PTPRN2: variants seen among roughly 807,000 people sequenced by gnomAD.
PTPRN2 encodes receptor-type tyrosine-protein phosphatase N2.
In PTPRN2, 74 loss-of-function variants were observed where a neutral mutation model predicts 118.8. The observed-to-expected ratio is 0.62, with a 90% CI of 0.52 to 0.76. PTPRN2 has a LOEUF of 0.76. Among genes scored for constraint, PTPRN2 ranks in the 30% least tolerant of loss-of-function variants. PTPRN2 has a pLI of 0.00. For synonymous variants in PTPRN2, 641 were observed against 608.0 expected, an observed-to-expected ratio of 1.05 and a Z score of -0.80; for missense variants, 1,481 against 1,394.4, an observed-to-expected ratio of 1.06 and a Z score of -0.99.
chr7:157,701,943 CCGG>C, intron 12 of PTPRN2, among the ~76,000 whole-genome samples: 2 of 148,466 alleles, frequency 1.3e-5, no homozygotes, highest in Non-Finnish European at 3.0e-5. Flanking sequence ...ATAAGAAAGC[CCGG>C]TCGGTGCTGG....
chr7:158,203,989 C>T (rs1181250642), intron 4 of PTPRN2, among the ~76,000 whole-genome samples: 11 of 149,550 alleles, frequency 7.4e-5, no homozygotes, highest in African/African-American at 2.5e-4. Flanking sequence ...CCTCAGTGTG[C>T]GCCATGTTCT....
chr7:158,138,698 C>A (rs531372415), intron 6 of PTPRN2, among the ~76,000 whole-genome samples, 183 bp from the exon 7 acceptor site: 11 of 152,326 alleles, frequency 7.2e-5, no homozygotes, highest in Admixed American at 7.2e-4. Context: ...ATCCACCTGA[C>A]CCTGTAACCA....
At position 158,480,130 on chromosome 7, in the gene PTPRN2, G is replaced by A. The variant is rs74885161; in HGVS notation, c.163+9605C>T. Reference sequence around the variant, plus strand: ...GCACGTTCCAGCTTTGTTCCACGTCGCGGGGGTTGCGTCTCACCCTGAAGC... The same window carrying A: ...GCACGTTCCAGCTTTGTTCCACGTCACGGGGGTTGCGTCTCACCCTGAAGC... On this transcript the variant is annotated intron_variant, in intron 2 of 22. Coordinates refer to ENST00000389418, the MANE Select transcript of PTPRN2 (RefSeq NM_002847.5). Among the ~76,000 whole-genome samples, 784 of 152,316 alleles carry A rather than the reference G, an allele frequency of 5.1e-3. 7 individuals carry two copies. Among genetic ancestry groups the A allele is most frequent in the African/African-American group, 0.018 (731 of 41,574 alleles).
intron 2 of PTPRN2, among the ~76,000 whole-genome samples, chr7:158,370,683 C>T (rs1349723): frequency 0.66 from 99,684 of 151,688 alleles, 33,252 homozygotes; most frequent in East Asian, 0.83. Flanking sequence ...ACCCAGGAGG[C>T]GGAGCTTGCA....
chr7:158,505,499 G>A (rs528347167), intron 1 of PTPRN2, among the ~76,000 whole-genome samples: 3 of 151,932 alleles, frequency 2.0e-5, no homozygotes, highest in African/African-American at 7.3e-5. Flanking sequence ...CACTACCAGA[G>A]AAAAATTAAT....
Position 157,878,972 on chromosome 7 carries a change from C to T in PTPRN2, c.1788+19701G>A, listed in dbSNP as rs188445697. Among the ~76,000 whole-genome samples the T allele has an allele frequency of 6.9e-5, 10 of 145,352 alleles. No individual in the cohort carries two copies. The South Asian group carries it at 1.5e-3, about 22-fold the overall frequency. On this transcript the variant is annotated intron_variant, in intron 12 of 22. Coordinates refer to ENST00000389418, the MANE Select transcript of PTPRN2 (RefSeq NM_002847.5). ...GGGTCAGTGTGATACCATGCACCCA[C>T]GCTTACTCACTGAGGAGCTCTCTCA...
At chr7:157,753,501 C>T (rs1232906530) in intron 12 of PTPRN2, among the ~76,000 whole-genome samples, 3 of 152,210 alleles carry the variant, frequency 2.0e-5, no homozygotes, top group African/African-American at 7.2e-5. Context: ...CCCGTCTGGG[C>T]CTCACTCCAG....
In PTPRN2 at chr7:158,067,517, G is replaced by A. The variant is rs188699242; in HGVS notation, c.1723+13781C>T. Reference sequence around the variant, plus strand: ...TCTGGGGTGGGGCCCAAGAGTCTGCGTTTTTAACGACCTCCAGCTGGTGCT... The same window carrying A: ...TCTGGGGTGGGGCCCAAGAGTCTGCATTTTTAACGACCTCCAGCTGGTGCT... On this transcript the variant is annotated intron_variant, in intron 11 of 22. Coordinates refer to ENST00000389418, the MANE Select transcript of PTPRN2 (RefSeq NM_002847.5). 2.2e-3 allele frequency among the ~76,000 whole-genome samples: 332 copies of A among 152,268 alleles called. 4 individuals carry two copies. Among genetic ancestry groups the A allele is most frequent in the East Asian group, 1.4e-3 (7 of 5,170 alleles).
At chr7:157,753,266 T>A (rs1190106199) in intron 12 of PTPRN2, among the ~76,000 whole-genome samples, 1 of 152,094 alleles carries the variant, frequency 6.6e-6, no homozygotes, top group African/African-American at 2.4e-5. Context: ...GAGGAGACGG[T>A]GCTGTTCCCT....
intron 2 of PTPRN2, among the ~76,000 whole-genome samples, chr7:158,366,558 C>A (rs1348660474): frequency 1.3e-5 from 2 of 152,238 alleles, no homozygotes; most frequent in Admixed American, 1.3e-4. Context: ...GCCATGGCAA[C>A]CCGGGAACAA....
At chr7:157,829,911 A>C (rs1407636145) in intron 12 of PTPRN2, among the ~76,000 whole-genome samples, 1 of 152,100 alleles carries the variant, frequency 6.6e-6, no homozygotes, top group Non-Finnish European at 1.5e-5. Flanking sequence ...CCTGCCCTGC[A>C]CCTCTGCAGT....
chr7:158,096,228 TTTG>T (rs1446326140), intron 10 of PTPRN2, among the ~76,000 whole-genome samples: 1 of 152,176 alleles, frequency 6.6e-6, no homozygotes, highest in Non-Finnish European at 1.5e-5. Context: ...TGTGGGGCCC[TTTG>T]TTGAAGAATT....
chr7:158,287,612 T>C (rs1586136441), intron 3 of PTPRN2, among the ~76,000 whole-genome samples: 1 of 152,130 alleles, frequency 6.6e-6, no homozygotes, highest in African/African-American at 2.4e-5. Flanking sequence ...TCAATTTCCA[T>C]ATATTTGTCA....
intron 2 of PTPRN2, among the ~76,000 whole-genome samples, chr7:158,448,515 C>T (rs1817881992): frequency 6.6e-6 from 1 of 152,088 alleles, no homozygotes; most frequent in African/African-American, 2.4e-5. Flanking sequence ...AGGGGGTCCC[C>T]TCCAGAGGAG....
intron 12 of PTPRN2, among the ~76,000 whole-genome samples, chr7:157,802,773 C>T (rs57266660): frequency 3.3e-5 from 5 of 152,192 alleles, no homozygotes; most frequent in East Asian, 1.9e-4. Flanking sequence ...GGTACAGAGA[C>T]GTATCTCATC....
At chr7:157,605,628 A>G (rs1402500676) in intron 15 of PTPRN2, among the ~76,000 whole-genome samples, 1 of 152,184 alleles carries the variant, frequency 6.6e-6, no homozygotes, top group African/African-American at 2.4e-5. Context: ...GAGCAATAGA[A>G]CAGCTCAGTC....
intron 9 of PTPRN2, among the ~76,000 whole-genome samples, chr7:158,117,225 C>T (rs561190472): frequency 4.6e-4 from 70 of 152,002 alleles, no homozygotes; most frequent in African/African-American, 1.6e-3. Context: ...AAAGAGAAAA[C>T]CTAAAATATA....
intron 12 of PTPRN2, among the ~76,000 whole-genome samples, chr7:157,700,525 T>C (rs1451169246): frequency 1.3e-5 from 2 of 152,214 alleles, no homozygotes; most frequent in Admixed American, 1.3e-4. Context: ...ATTACTTTTT[T>C]CGGGTCATCC....
At chr7:157,960,351 C>T (rs994083922) in intron 11 of PTPRN2, among the ~76,000 whole-genome samples, 1 of 151,896 alleles carries the variant, frequency 6.6e-6, no homozygotes, top group South Asian at 2.1e-4. Context: ...TATATTTTAC[C>T]ATAACAAAAA....
Sources: allele counts gnomAD v4.1 joint callset (sites outside exome capture counted in the v4.1 genomes callset), GRCh38; gene constraint gnomAD v4.1.1; transcripts MANE v1.5; gene names NCBI Gene and HGNC (gene_info 2026-07-23, HGNC 2026-07-21).